The following MAP3K20 variants were observed in gnomAD, a reference collection of about 807,000 sequenced individuals.
The protein encoded by MAP3K20 is mitogen-activated protein kinase kinase kinase 20.
In MAP3K20, 40 loss-of-function variants were observed where a neutral mutation model predicts 85.7. The observed-to-expected ratio is 0.47, with a 90% CI of 0.36 to 0.61. The LOEUF (loss-of-function observed/expected upper bound fraction) is 0.61. Ranked by LOEUF, MAP3K20 falls within the 20% of genes least tolerant of loss-of-function variation. The probability of loss-of-function intolerance (pLI) is 0.00; values close to 1 mark genes in which losing one functional copy is unlikely to be tolerated. For missense variants in MAP3K20, 817 were observed against 961.7 expected, an observed-to-expected ratio of 0.85 and a Z score of 1.99; for synonymous variants, 325 against 327.7, an observed-to-expected ratio of 0.99 and a Z score of 0.09.
intron 17 of MAP3K20, among the ~76,000 whole-genome samples, chr2:173,259,450 G>A (rs952026249): frequency 6.6e-6 from 1 of 152,188 alleles, no homozygotes; most frequent in Non-Finnish European, 1.5e-5. Context: ...CAATACATAT[G>A]AGACTTCAAT....
chr2:173,210,708 C>G (rs186682252), intron 10 of MAP3K20: 8 of 152,176 alleles, frequency 5.3e-5, no homozygotes, highest in Non-Finnish European at 7.3e-5. Context: ...TTATTCCCCC[C>G]CTGACTCAGC....
intron 2 of MAP3K20, among the ~76,000 whole-genome samples, chr2:173,159,352 T>TCTTTCTTTC (rs1553572464): frequency 6.6e-6 from 1 of 151,574 alleles, no homozygotes; most frequent in African/African-American, 2.4e-5. Flanking sequence ...TTTTACTCTT[T>TCTTTCTTTC]CTTTCTTTCC....
chr2:173,232,386 G>C lies in MAP3K20; in HGVS notation c.1130G>C (p.Arg377Pro). The part of the protein sequence containing the change: ...LFKENNITGK[R>P]LLLLEEEDLK... ...AAAGAAAACAACATTACAGGGAAGC[G>C]GCTGCTGCTGCTGGAGGAAGAAGAC... is the stretch of plus-strand genomic sequence containing the variant. The change falls in exon 14 of 20, where the codon CGG becomes CCG. Residue 377 changes from arginine to proline, a missense_variant. This residue lies in a region of MAP3K20 where 158 missense variants were observed against 162.0 expected (regional missense o/e 0.98). Coordinates refer to ENST00000375213, the MANE Select transcript of MAP3K20 (RefSeq NM_016653.3). The C allele has an allele frequency of 1.2e-6, 2 of 1,614,192 alleles. No homozygotes were observed. The highest frequency in any genetic ancestry group is 1.7e-6 in the Non-Finnish European group (2 of 1,180,018).
chr2:173,219,607 C>T (rs1369127541), intron 11 of MAP3K20, among the ~76,000 whole-genome samples: 2 of 152,128 alleles, frequency 1.3e-5, no homozygotes, highest in African/African-American at 4.8e-5. Flanking sequence ...GAAATAACAT[C>T]CTGTTTCCAA....
intron 1 of MAP3K20, among the ~76,000 whole-genome samples, chr2:173,082,546 G>A (rs193080670): frequency 3.3e-5 from 5 of 152,324 alleles, no homozygotes; most frequent in Admixed American, 3.3e-4. Context: ...ACAAACAAGG[G>A]CTGAGTAGCA....
At chr2:173,172,587 G>A (rs543810834) in intron 3 of MAP3K20, among the ~76,000 whole-genome samples, 1 of 152,226 alleles carries the variant, frequency 6.6e-6, no homozygotes, top group South Asian at 2.1e-4. Flanking sequence ...GTGTATACTT[G>A]TGCATGTGTG....
At position 173,141,219 on chromosome 2, in the gene MAP3K20, G is replaced by A. The variant is rs373567473; in HGVS notation, c.160-28586G>A. The stretch of plus-strand genomic sequence containing the variant: ...CATTTACTTTTTATACTAAATTCTC[G>A]TGTAGTATTATTAGAAAAACTAGAC... On this transcript the variant is annotated intron_variant, in intron 2 of 19. Transcript: ENST00000375213. 9.7e-5 allele frequency among the ~76,000 whole-genome samples: 9 copies of A among 92,330 alleles called. No homozygotes were observed. In the East Asian group the frequency reaches 1.3e-3, roughly 13 times the overall value. The allele number at this position is 92,330 out of a possible 152,430, so 60.6% of individuals were successfully genotyped here.
chr2:173,238,297 T>G, intron 14 of MAP3K20, 76 bp from the exon 15 acceptor site: 4 of 1,281,370 alleles, frequency 3.1e-6, no homozygotes, highest in Non-Finnish European at 4.4e-6. Context: ...AGGAATGTTT[T>G]TGTTTGTACC....
chr2:173,239,027 C>T (rs1358219405), intron 15 of MAP3K20, among the ~76,000 whole-genome samples: 2 of 152,178 alleles, frequency 1.3e-5, no homozygotes, highest in Non-Finnish European at 2.9e-5. Flanking sequence ...CCATCCACTG[C>T]GTAATCCGTC....
intron 2 of MAP3K20, among the ~76,000 whole-genome samples, chr2:173,149,745 C>T (rs1219345878): frequency 6.6e-6 from 1 of 152,146 alleles, no homozygotes; most frequent in African/African-American, 2.4e-5. Flanking sequence ...GCATCCTCCC[C>T]ACAGCCTTTC....
chr2:173,148,717 G>C (rs1382666334), intron 2 of MAP3K20, among the ~76,000 whole-genome samples: 1 of 152,212 alleles, frequency 6.6e-6, no homozygotes, highest in African/African-American at 2.4e-5. Context: ...AACAGGAAAT[G>C]TGTGGGTATT....
chr2:173,097,225 G>A (rs1233820651), intron 2 of MAP3K20, among the ~76,000 whole-genome samples: 7 of 152,094 alleles, frequency 4.6e-5, no homozygotes, highest in African/African-American at 7.2e-5. Flanking sequence ...GCATGGTGGC[G>A]GGCGCCTGTA....
rs1441668334 is a variant in MAP3K20, at chr2:173,232,304, T to C, written c.1064-16T>C. 1.9e-6 allele frequency: 3 copies of C among 1,614,218 alleles called. No individual in the cohort carries two copies. The South Asian group carries it at 3.3e-5, about 18-fold the overall frequency. On this transcript the variant is annotated splice_polypyrimidine_tract_variant and intron_variant, in intron 13 of 19. Transcript: ENST00000375213. ...TTTCATCTAATTTTATTCTGCTTTCTAATCACTTCCTTCAGGTGACTCTTC... is the reference window on the plus strand; with the variant it reads ...TTTCATCTAATTTTATTCTGCTTTCCAATCACTTCCTTCAGGTGACTCTTC...
intron 16 of MAP3K20, among the ~76,000 whole-genome samples, chr2:173,250,476 A>C (rs1400713677): frequency 6.6e-6 from 1 of 152,242 alleles, no homozygotes; most frequent in African/African-American, 2.4e-5. Context: ...TGGAAGGTTT[A>C]GCACTAAATA....
chr2:173,082,782 A>G lies in MAP3K20; in HGVS notation c.-35+6780A>G, dbSNP rs1687046758. Among the ~76,000 whole-genome samples, 3 of 152,200 alleles carry G rather than the reference A, an allele frequency of 2.0e-5. No individual in the cohort carries two copies. In the South Asian group the frequency reaches 6.2e-4, roughly 31 times the overall value. On this transcript the variant is annotated intron_variant, in intron 1 of 19. Transcript: ENST00000375213. ...AAGCTCCCAGCTACTCAACACAACA[A>G]GCCCACGCAGCGGCCTATGCCGTGG...
intron 7 of MAP3K20, 110 bp from the exon 8 acceptor site, chr2:173,197,916 T>G: frequency 1.3e-6 from 1 of 772,548 alleles, no homozygotes; most frequent in Non-Finnish European, 2.0e-6. Context: ...ACAGTTGGGG[T>G]TGGTTGTGTC....
chr2:173,099,946 G>A (rs1687588630), intron 2 of MAP3K20, among the ~76,000 whole-genome samples: 1 of 152,192 alleles, frequency 6.6e-6, no homozygotes. Context: ...AGGAAGACTT[G>A]GATAACTGTT....
At chr2:173,180,668 C>G (rs986012081) in intron 3 of MAP3K20, among the ~76,000 whole-genome samples, 18 of 151,820 alleles carry the variant, frequency 1.2e-4, no homozygotes, top group Admixed American at 3.3e-4. Context: ...AGAGTGAGAC[C>G]TTGTCTCAAA....
At chr2:173,084,001 T>C (rs1030569117) in intron 1 of MAP3K20, among the ~76,000 whole-genome samples, 1 of 152,172 alleles carries the variant, frequency 6.6e-6, no homozygotes, top group Non-Finnish European at 1.5e-5. Context: ...TTCAGAAATA[T>C]AGGCCCATAT....
Sources: allele counts gnomAD v4.1 joint callset (sites outside exome capture counted in the v4.1 genomes callset), GRCh38; gene constraint gnomAD v4.1.1; regional missense constraint gnomAD v4.1.1; transcripts MANE v1.5; gene names NCBI Gene and HGNC (gene_info 2026-07-23, HGNC 2026-07-21).